The following CLPB variants were observed in gnomAD, a reference collection of about 807,000 sequenced individuals.
CLPB encodes ClpB family mitochondrial disaggregase, also known as mitochondrial disaggregase.
CLPB carries 40 observed loss-of-function variants against 78.4 expected under a neutral mutation model. That is an observed-to-expected ratio of 0.51 (90% confidence interval 0.40 to 0.66). The LOEUF (loss-of-function observed/expected upper bound fraction) is 0.66, where lower values mean the gene tolerates loss of function less well. Ranked by LOEUF, CLPB falls within the 30% of genes least tolerant of loss-of-function variation. CLPB has a pLI of 0.00. For synonymous variants in CLPB, 333 were observed against 348.0 expected, an observed-to-expected ratio of 0.96 and a Z score of 0.48; for missense variants, 780 against 886.9, an observed-to-expected ratio of 0.88 and a Z score of 1.53.
intron 5 of CLPB, among the ~76,000 whole-genome samples, chr11:72,334,630 T>C (rs963386484): frequency 3.3e-5 from 5 of 152,232 alleles, no homozygotes; most frequent in Admixed American, 6.5e-5. Flanking sequence ...TCCAGGGGCA[T>C]CAGGATGGCC....
intron 11 of CLPB, among the ~76,000 whole-genome samples, chr11:72,299,727 CAA>C (rs1425527465): frequency 6.6e-6 from 1 of 152,218 alleles, no homozygotes; most frequent in African/African-American, 2.4e-5. Context: ...GGCCCATCCT[CAA>C]AGAGCCTAAA....
intron 12 of CLPB, 128 bp downstream of exon 12, chr11:72,295,364 G>T: frequency 1.1e-6 from 1 of 927,876 alleles, no homozygotes; most frequent in Non-Finnish European, 1.6e-6. Context: ...TATCTGCTCA[G>T]TGTCAGCTAG....
Position 72,434,471 on chromosome 11 carries a change from G to A in CLPB, c.4C>T (p.Leu2=), listed in dbSNP as rs139584512. Residue 2 remains leucine (L), a synonymous_variant, in exon 1 of 16, where the codon CTG becomes TTG. Transcript: ENST00000538039. ...TTTCTCCTCAACACCAGGGACCCCA[G>A]CATCTTGACAGCTGCTTCGATAACC... M[L]GSLVLRRKAL... 1 of 1,537,010 alleles carries A rather than the reference G, an allele frequency of 6.5e-7. No homozygotes were observed. The highest frequency in any genetic ancestry group is 2.3e-5 in the East Asian group (1 of 44,032).
chr11:72,297,785 C>CA (rs1331029686), intron 11 of CLPB, among the ~76,000 whole-genome samples: 1 of 151,886 alleles, frequency 6.6e-6, no homozygotes, highest in Non-Finnish European at 1.5e-5. Flanking sequence ...TGGGTTCACA[C>CA]ACTGCTATAC....
intron 2 of CLPB, among the ~76,000 whole-genome samples, chr11:72,403,905 A>G (rs1209239184): frequency 1.3e-5 from 2 of 152,218 alleles, no homozygotes; most frequent in Non-Finnish European, 1.5e-5. Context: ...ACCTTCTACA[A>G]GCAGGAACTA....
rs1949403101 is a variant in CLPB, at chr11:72,287,373, CA to C, written c.*5993del. 6.6e-6 allele frequency: 1 copy of C among 152,202 alleles called. No individual in the cohort carries two copies. Among genetic ancestry groups the C allele is most frequent in the African/African-American group, 2.4e-5 (1 of 41,436 alleles). 9.4% of individuals were successfully genotyped at this position (152,202 alleles called of 1,614,324 possible). ...TCACCCAGGCTGGAGTGCAGCAGCA[CA>C]GTCTTGGCTCACTGCAACCTCTGCC... On this transcript the variant is annotated 3_prime_UTR_variant, in exon 16 of 16. Transcript: ENST00000538039.
At chr11:72,374,376 C>T (rs1368909600) in intron 4 of CLPB, among the ~76,000 whole-genome samples, 1 of 152,162 alleles carries the variant, frequency 6.6e-6, no homozygotes, top group East Asian at 1.9e-4. Context: ...AGTAATAGAG[C>T]TTAGATGAAT....
At chr11:72,417,194 C>A (rs1856050412) in intron 2 of CLPB, among the ~76,000 whole-genome samples, 1 of 152,158 alleles carries the variant, frequency 6.6e-6, no homozygotes, top group Non-Finnish European at 1.5e-5. Context: ...CAAATGACAT[C>A]CTGTATGGAT....
intron 6 of CLPB, among the ~76,000 whole-genome samples, chr11:72,320,992 C>T (rs550671698): frequency 3.3e-5 from 5 of 152,250 alleles, no homozygotes; most frequent in East Asian, 1.9e-4. Flanking sequence ...GGATTACAGG[C>T]GTGAGCCACC....
Position 72,287,921 on chromosome 11 carries a change from T to C in CLPB, c.*5446A>G, listed in dbSNP as rs1949409483. On this transcript the variant is annotated 3_prime_UTR_variant, in exon 16 of 16. Coordinates refer to ENST00000538039, the MANE Select transcript of CLPB (RefSeq NM_001258392.3). Reference sequence around the variant, plus strand: ...ATCAGGCTCAGGAGGTTTTATCTATTTTATTGGTGCTTTCAAAGAATTTTT... The same window carrying C: ...ATCAGGCTCAGGAGGTTTTATCTATCTTATTGGTGCTTTCAAAGAATTTTT... 6.6e-6 allele frequency: 1 copy of C among 151,870 alleles called. No homozygotes were observed. The highest frequency in any genetic ancestry group is 1.5e-5 in the Non-Finnish European group (1 of 68,034). 9.4% of individuals were successfully genotyped at this position (151,870 alleles called of 1,614,324 possible). A position where few individuals can be genotyped will look rare whatever the true frequency, so the allele number is the denominator to read the frequency against.
At chr11:72,310,597 CAT>C (rs1461575911) in intron 7 of CLPB, among the ~76,000 whole-genome samples, 1 of 152,156 alleles carries the variant, frequency 6.6e-6, no homozygotes, top group Non-Finnish European at 1.5e-5. Flanking sequence ...ACTGTGTGGA[CAT>C]GTGTGTACGT....
intron 2 of CLPB, among the ~76,000 whole-genome samples, chr11:72,414,965 C>A (rs1344779908): frequency 6.6e-6 from 1 of 152,106 alleles, no homozygotes; most frequent in African/African-American, 2.4e-5. Context: ...CGCCTGTAAT[C>A]CCAGTACTTT....
chr11:72,362,834 T>C (rs551290720), intron 4 of CLPB, among the ~76,000 whole-genome samples: 1 of 152,318 alleles, frequency 6.6e-6, no homozygotes, highest in South Asian at 2.1e-4. Context: ...ATCCTGCATA[T>C]ACTTTCCTCT....
At chr11:72,411,006 C>T (rs1855861267) in intron 2 of CLPB, 1 of 152,090 alleles carries the variant, frequency 6.6e-6, no homozygotes, top group Non-Finnish European at 1.5e-5. Flanking sequence ...CCTAAGATGA[C>T]CTTGTTGCCA....
At chr11:72,423,798 C>T (rs1856279783) in intron 2 of CLPB, among the ~76,000 whole-genome samples, 1 of 152,228 alleles carries the variant, frequency 6.6e-6, no homozygotes, top group Non-Finnish European at 1.5e-5. Flanking sequence ...CCCTGCTTAA[C>T]TCGCCAACCT....
At chr11:72,351,683 T>C (rs112383758) in intron 5 of CLPB, among the ~76,000 whole-genome samples, 1,566 of 152,302 alleles carry the variant, frequency 0.01, 31 homozygotes, top group East Asian at 0.063. Flanking sequence ...GTGATTCTCC[T>C]GCCTCAGCCT....
Position 72,434,466 on chromosome 11 carries a change from C to T in CLPB, c.9G>A (p.Gly3=). 6.5e-7 allele frequency: 1 copy of T among 1,541,424 alleles called. No individual in the cohort carries two copies. The highest frequency in any genetic ancestry group is 8.8e-7 in the Non-Finnish European group (1 of 1,141,110). The change falls in exon 1 of 16, where the codon GGG becomes GGA. Residue 3 remains glycine, a synonymous_variant. Transcript: ENST00000538039. ...GTGCTTTTCTCCTCAACACCAGGGA[C>T]CCCAGCATCTTGACAGCTGCTTCGA... ML[G]SLVLRRKALA...
chr11:72,374,076 C>A (rs867722788), intron 4 of CLPB, among the ~76,000 whole-genome samples: 1 of 152,018 alleles, frequency 6.6e-6, no homozygotes, highest in Middle Eastern at 3.4e-3. Flanking sequence ...ATCCAATGAC[C>A]CATGGCGAGA....
At chr11:72,352,263 T>G (rs563853117) in intron 5 of CLPB, among the ~76,000 whole-genome samples, 1 of 152,362 alleles carries the variant, frequency 6.6e-6, no homozygotes, top group South Asian at 2.1e-4. Flanking sequence ...ATTCAGCTAC[T>G]GATAAACATT....
Sources: allele counts gnomAD v4.1 joint callset (sites outside exome capture counted in the v4.1 genomes callset), GRCh38; gene constraint gnomAD v4.1.1; transcripts MANE v1.5; gene names NCBI Gene and HGNC (gene_info 2026-07-23, HGNC 2026-07-21).